Variants in COL8A1 observed in about 807,000 individuals in gnomAD.
COL8A1 encodes the protein collagen alpha-1(VIII) chain.
A neutral mutation model predicts 42.7 loss-of-function variants in COL8A1; 21 were observed. The ratio of observed to expected loss-of-function variants is 0.49; its 90% CI spans 0.35 to 0.71. COL8A1 has a LOEUF of 0.71. Ranked by LOEUF, COL8A1 falls within the 30% of genes least tolerant of loss-of-function variation. The probability of loss-of-function intolerance (pLI) is 0.01; values close to 1 mark genes in which losing one functional copy is unlikely to be tolerated. For missense variants in COL8A1, 788 were observed against 962.4 expected (o/e 0.82, Z 2.40); for synonymous variants, 367 against 369.1 (o/e 0.99, Z 0.06).
At chr3:99,670,494 G>A (rs973086865) in intron 1 of COL8A1, among the ~76,000 whole-genome samples, 1 of 151,874 alleles carries the variant, frequency 6.6e-6, no homozygotes, top group African/African-American at 2.4e-5. Context: ...AGTTTTGATT[G>A]ATAAATCATA....
chr3:99,645,742 C>A (rs985238483), intron 1 of COL8A1, among the ~76,000 whole-genome samples: 1 of 151,550 alleles, frequency 6.6e-6, no homozygotes, highest in Non-Finnish European at 1.5e-5. Context: ...GAATAAATCA[C>A]CCACATTTCT....
At chr3:99,665,386 G>A (rs1380786358) in intron 1 of COL8A1, among the ~76,000 whole-genome samples, 2 of 152,216 alleles carry the variant, frequency 1.3e-5, no homozygotes, top group Non-Finnish European at 2.9e-5. Flanking sequence ...GGAGGAGAGG[G>A]AAAGTGTTAG....
chr3:99,755,119 T>C (rs1941229140), intron 2 of COL8A1, among the ~76,000 whole-genome samples: 1 of 152,032 alleles, frequency 6.6e-6, no homozygotes, highest in African/African-American at 2.4e-5. Flanking sequence ...CAACACCATT[T>C]GAGAAATAAA....
At chr3:99,660,632 T>C (rs1469826396) in intron 1 of COL8A1, among the ~76,000 whole-genome samples, 1 of 152,212 alleles carries the variant, frequency 6.6e-6, no homozygotes, top group Non-Finnish European at 1.5e-5. Context: ...AGCTATGAAT[T>C]GGGGTGGACT....
At chr3:99,770,708 A>G (rs1020473536) in intron 2 of COL8A1, among the ~76,000 whole-genome samples, 7 of 152,208 alleles carry the variant, frequency 4.6e-5, no homozygotes, top group Non-Finnish European at 7.3e-5. Context: ...GGTGTCATCC[A>G]TTCAATCATT....
chr3:99,678,771 G>C (rs1938778045), intron 1 of COL8A1: 1 of 152,160 alleles, frequency 6.6e-6, no homozygotes, highest in African/African-American at 2.4e-5. Flanking sequence ...TTGAGGTGAA[G>C]TCAATGGGAA....
At chr3:99,690,951 T>C (rs1165994106) in intron 1 of COL8A1, among the ~76,000 whole-genome samples, 1 of 152,202 alleles carries the variant, frequency 6.6e-6, no homozygotes, top group Non-Finnish European at 1.5e-5. Flanking sequence ...AGTTGACCCC[T>C]GAACAATGTG....
In COL8A1 at chr3:99,683,983, G is replaced by A. The variant is rs553537019; in HGVS notation, c.-129+45319G>A. On this transcript the variant is annotated intron_variant, in intron 1 of 3. Transcript: ENST00000652472. Reference sequence around the variant, plus strand: ...AGATGAAGTTTTAGTTTGTTTGTTTGTTTTGTTCAGTTTTAGTGAATTGAC... The same window carrying A: ...AGATGAAGTTTTAGTTTGTTTGTTTATTTTGTTCAGTTTTAGTGAATTGAC... Among the ~76,000 whole-genome samples, 169 of 152,218 alleles carry A rather than the reference G, an allele frequency of 1.1e-3. 1 individual carries two copies. The highest frequency in any genetic ancestry group is 3.8e-3 in the African/African-American group (156 of 41,538).
intron 1 of COL8A1, among the ~76,000 whole-genome samples, chr3:99,672,125 A>C (rs1938565056): frequency 6.6e-6 from 1 of 152,060 alleles, no homozygotes. Flanking sequence ...AGGGCTCCAC[A>C]GGGGCAAACA....
chr3:99,642,475 C>G (rs1937520418), intron 1 of COL8A1, among the ~76,000 whole-genome samples: 1 of 152,168 alleles, frequency 6.6e-6, no homozygotes, highest in Non-Finnish European at 1.5e-5. Context: ...ATAATGAATT[C>G]TAACTTCTCA....
chr3:99,667,251 A>G (rs892592152), intron 1 of COL8A1, among the ~76,000 whole-genome samples: 1 of 152,022 alleles, frequency 6.6e-6, no homozygotes, highest in Non-Finnish European at 1.5e-5. Flanking sequence ...GAACTATTTT[A>G]TTTTCTTGTA....
At chr3:99,710,957 T>C (rs1409360100) in intron 1 of COL8A1, among the ~76,000 whole-genome samples, 1 of 152,166 alleles carries the variant, frequency 6.6e-6, no homozygotes, top group African/African-American at 2.4e-5. Flanking sequence ...CTGGCTCCAC[T>C]CCAGGGCCTT....
intron 2 of COL8A1, among the ~76,000 whole-genome samples, chr3:99,766,812 G>C (rs1941472126): frequency 6.6e-6 from 1 of 152,164 alleles, no homozygotes. Flanking sequence ...AGCCAAGTGT[G>C]GTGGCAGGCA....
Position 99,700,235 on chromosome 3 carries a change from C to T in COL8A1, c.-128-44662C>T, listed in dbSNP as rs74880791. 0.014 allele frequency among the ~76,000 whole-genome samples: 2,115 copies of T among 151,824 alleles called. 58 individuals are homozygous for T. In the East Asian group the frequency reaches 0.15, roughly 11 times the overall value. On this transcript the variant is annotated intron_variant, in intron 1 of 3. Transcript: ENST00000652472. ...AGAGCATGAAATAGCGTGAAATGCA[C>T]GTATACCTATGTAACAAACCTGCAC...
chr3:99,761,993 T>C (rs1361554269), intron 2 of COL8A1, among the ~76,000 whole-genome samples: 11 of 152,206 alleles, frequency 7.2e-5, no homozygotes, highest in Non-Finnish European at 5.9e-5. Context: ...AGGCGATACA[T>C]ACCATGTTTG....
intron 1 of COL8A1, among the ~76,000 whole-genome samples, chr3:99,686,025 G>A (rs963325258): frequency 1.3e-5 from 2 of 152,158 alleles, no homozygotes; most frequent in African/African-American, 4.8e-5. Context: ...GAGGTAGCTA[G>A]TTTTGAAAAA....
chr3:99,726,497 C>T (rs915560305), intron 1 of COL8A1, among the ~76,000 whole-genome samples: 7 of 151,420 alleles, frequency 4.6e-5, no homozygotes, highest in African/African-American at 1.7e-4. Context: ...ATGCCTATGT[C>T]CTGAATGGTA....
chr3:99,764,852 C>G (rs1004473873), intron 2 of COL8A1, among the ~76,000 whole-genome samples: 2 of 151,868 alleles, frequency 1.3e-5, no homozygotes, highest in Non-Finnish European at 2.9e-5. Flanking sequence ...ATCAATTAAT[C>G]AATGTAAAGT....
chr3:99,670,977 A>G (rs1938525126), intron 1 of COL8A1, among the ~76,000 whole-genome samples: 1 of 151,112 alleles, frequency 6.6e-6, no homozygotes. Flanking sequence ...TGTGTGTGTG[A>G]ATTTGAGTAA....
Sources: gnomAD v4.1 joint callset for allele counts (sites outside exome capture counted in the v4.1 genomes callset) on GRCh38, gnomAD v4.1.1 for gene constraint, MANE v1.5 for transcripts, NCBI Gene and HGNC (gene_info 2026-07-23, HGNC 2026-07-21) for gene names.